ERC2: variants seen among roughly 807,000 people sequenced by gnomAD.
The protein encoded by ERC2 is ERC protein 2.
Under a neutral mutation model 114.8 loss-of-function variants are expected in ERC2, and 42 were observed. The ratio of observed to expected loss-of-function variants is 0.37; its 90% CI spans 0.29 to 0.47. The LOEUF is 0.47. Among genes scored for constraint, ERC2 ranks in the 20% least tolerant of loss-of-function variants. The pLI is 0.99. For missense variants in ERC2, 939 were observed against 1,150.7 expected, an observed-to-expected ratio of 0.82 and a Z score of 2.66; for synonymous variants, 454 against 425.5, an observed-to-expected ratio of 1.07 and a Z score of -0.82.
intron 6 of ERC2, among the ~76,000 whole-genome samples, chr3:56,086,842 A>G (rs573335889): frequency 1.3e-5 from 2 of 152,266 alleles, no homozygotes; most frequent in Non-Finnish European, 2.9e-5. Flanking sequence ...TTATACTCCA[A>G]CATCAGGTAG....
At chr3:56,222,945 G>A (rs1301329045) in intron 3 of ERC2, among the ~76,000 whole-genome samples, 1 of 152,190 alleles carries the variant, frequency 6.6e-6, no homozygotes, top group Admixed American at 6.5e-5. Context: ...AGTTCCCTTC[G>A]TTGGCTTCGT....
chr3:56,187,734 AAAC>A (rs2083713008), intron 3 of ERC2, among the ~76,000 whole-genome samples: 1 of 152,202 alleles, frequency 6.6e-6, no homozygotes, highest in Non-Finnish European at 1.5e-5. Context: ...AGTGCTTTAC[AAAC>A]AACAGCAATA....
chr3:55,764,919 T>C lies in ERC2; in HGVS notation c.2565-30001A>G, dbSNP rs191231536. On this transcript the variant is annotated intron_variant, in intron 14 of 17. Coordinates refer to ENST00000288221, the MANE Select transcript of ERC2 (RefSeq NM_015576.3). The stretch of plus-strand genomic sequence containing the variant: ...TGGTGAGGCTCATTTTTGGTGGGGA[T>C]TTTCTTCTTTTTTTGGCAATACATA... Among the ~76,000 whole-genome samples the C allele has an allele frequency of 7.9e-5, 12 of 152,212 alleles. No homozygotes were observed. The East Asian group carries it at 2.3e-3, about 29-fold the overall frequency.
At chr3:55,850,947 C>G (rs2061544923) in intron 14 of ERC2, among the ~76,000 whole-genome samples, 2 of 151,666 alleles carry the variant, frequency 1.3e-5, no homozygotes, top group African/African-American at 4.8e-5. Context: ...GTCCTGCCTT[C>G]TAGCCTGACT....
rs906523122 is a variant in ERC2 at position 55,936,428 on chromosome 3, A to G, written c.2403+13997T>C. On this transcript the variant is annotated intron_variant, in intron 13 of 17. Coordinates refer to ENST00000288221, the MANE Select transcript of ERC2 (RefSeq NM_015576.3). ...GCCTATGTGCTCATGGGAAAGACAGATAAGTATACAAATAACTGTACATTA... is the reference window on the plus strand; with the variant it reads ...GCCTATGTGCTCATGGGAAAGACAGGTAAGTATACAAATAACTGTACATTA... Among the ~76,000 whole-genome samples the G allele has an allele frequency of 3.9e-5, 6 of 152,254 alleles. No individual in the cohort carries two copies. The South Asian group carries it at 1.2e-3, about 31-fold the overall frequency.
intron 13 of ERC2, among the ~76,000 whole-genome samples, chr3:55,907,745 C>G (rs1309210856): frequency 6.6e-6 from 1 of 152,212 alleles, no homozygotes; most frequent in African/African-American, 2.4e-5. Context: ...ACTCTCTGGG[C>G]TTCTGCATTT....
At chr3:56,147,957 C>T (rs1236219866) in intron 5 of ERC2, among the ~76,000 whole-genome samples, 1 of 152,084 alleles carries the variant, frequency 6.6e-6, no homozygotes, top group Non-Finnish European at 1.5e-5. Context: ...ATCTTTAAAA[C>T]TGACAATAAC....
intron 15 of ERC2, among the ~76,000 whole-genome samples, chr3:55,706,670 C>T (rs2063508071): frequency 6.6e-6 from 1 of 152,090 alleles, no homozygotes; most frequent in Non-Finnish European, 1.5e-5. Context: ...CCTCAGCCTC[C>T]CAAAGCAATG....
Position 55,853,309 on chromosome 3 carries a change from T to A in ERC2, c.2564+35080A>T, listed in dbSNP as rs79612078. 5.3e-3 allele frequency among the ~76,000 whole-genome samples: 805 copies of A among 152,252 alleles called. 5 individuals are homozygous for A. Among genetic ancestry groups the A allele is most frequent in the African/African-American group, 0.018 (761 of 41,548 alleles). On this transcript the variant is annotated intron_variant, in intron 14 of 17. Transcript: ENST00000288221. Reference sequence around the variant, plus strand: ...TGAGAGGCTGAGGTGGGAAGAACACTTGAGCTCAGGACTTCAAGACCCACC... The same window carrying A: ...TGAGAGGCTGAGGTGGGAAGAACACATGAGCTCAGGACTTCAAGACCCACC...
At chr3:55,802,814 T>C (rs1016678492) in intron 14 of ERC2, among the ~76,000 whole-genome samples, 2 of 152,216 alleles carry the variant, frequency 1.3e-5, no homozygotes, top group East Asian at 1.9e-4. Flanking sequence ...TCTATGAAGA[T>C]GACACTACCC....
chr3:56,320,872 A>G (rs1057068918), intron 2 of ERC2, among the ~76,000 whole-genome samples: 8 of 152,338 alleles, frequency 5.3e-5, no homozygotes, highest in East Asian at 1.9e-4. Context: ...GGCTTAAAAC[A>G]ACAAATGTTT....
At chr3:56,466,763 A>G (rs922186481) in intron 1 of ERC2, among the ~76,000 whole-genome samples, 2 of 152,190 alleles carry the variant, frequency 1.3e-5, no homozygotes, top group East Asian at 3.9e-4. Flanking sequence ...CATCCAGTAG[A>G]GCCAAGCCCC....
intron 3 of ERC2, among the ~76,000 whole-genome samples, chr3:56,248,126 G>A (rs528402760): frequency 3.3e-5 from 5 of 152,008 alleles, no homozygotes; most frequent in Non-Finnish European, 5.9e-5. Context: ...GTCTTGCTCC[G>A]TTGCCTAGGC....
At chr3:56,178,545 G>A (rs2083107998) in intron 3 of ERC2, among the ~76,000 whole-genome samples, 1 of 152,188 alleles carries the variant, frequency 6.6e-6, no homozygotes, top group Admixed American at 6.6e-5. Flanking sequence ...AGAATTTGAA[G>A]CCATGTTTTA....
rs73834029 is a variant in ERC2, at chr3:55,838,257, T to C, written c.2564+50132A>G. 5.3e-3 allele frequency among the ~76,000 whole-genome samples: 811 copies of C among 152,198 alleles called. 5 individuals carry two copies. Among genetic ancestry groups the C allele is most frequent in the African/African-American group, 0.018 (767 of 41,558 alleles). On this transcript the variant is annotated intron_variant, in intron 14 of 17. Transcript: ENST00000288221. ...CCACTCAACAACAGCAGAATACACA[T>C]TCTTTTCTAGTGCACATGGAACACT... is the stretch of plus-strand genomic sequence containing the variant.
chr3:56,326,199 G>C (rs1473131571), intron 2 of ERC2, among the ~76,000 whole-genome samples: 1 of 152,236 alleles, frequency 6.6e-6, no homozygotes, highest in Non-Finnish European at 1.5e-5. Context: ...TGCTCAGGAA[G>C]AGCTGGGGCC....
Position 56,345,538 on chromosome 3 carries a change from G to T in ERC2, c.658-49103C>A, listed in dbSNP as rs114876389. Among the ~76,000 whole-genome samples the T allele has an allele frequency of 2.3e-3, 349 of 152,302 alleles. 3 individuals carry two copies. Among genetic ancestry groups the T allele is most frequent in the African/African-American group, 7.8e-3 (325 of 41,554 alleles). ...GTGAAAGAGAAAACGTCACTGGGGG[G>T]ACTGCAGAGGTGAGGCTAGATTGCC... is the stretch of plus-strand genomic sequence containing the variant. On this transcript the variant is annotated intron_variant, in intron 2 of 17. Coordinates refer to ENST00000288221, the MANE Select transcript of ERC2 (RefSeq NM_015576.3).
chr3:56,437,752 A>G (rs2062089806), intron 1 of ERC2, among the ~76,000 whole-genome samples: 1 of 152,248 alleles, frequency 6.6e-6, no homozygotes, highest in Non-Finnish European at 1.5e-5. Context: ...CAATAGTTCT[A>G]ACATAAGAAT....
chr3:56,150,946 C>T (rs1409745090), intron 4 of ERC2, among the ~76,000 whole-genome samples: 1 of 151,952 alleles, frequency 6.6e-6, no homozygotes, highest in Non-Finnish European at 1.5e-5. Flanking sequence ...GAAGAGACAC[C>T]AGGAAGCTGC....
Sources: gnomAD v4.1 joint callset for allele counts (sites outside exome capture counted in the v4.1 genomes callset) on GRCh38, gnomAD v4.1.1 for gene constraint, MANE v1.5 for transcripts, NCBI Gene and HGNC (gene_info 2026-07-23, HGNC 2026-07-21) for gene names.